SSC4D: variants seen among roughly 807,000 people sequenced by gnomAD.
SSC4D encodes the protein scavenger receptor cysteine-rich domain-containing group B protein.
Under a neutral mutation model 63.4 loss-of-function variants are expected in SSC4D, and 57 were observed. That is an observed-to-expected ratio of 0.90 (90% CI 0.73 to 1.12). SSC4D has a LOEUF of 1.12. Among genes scored for constraint, SSC4D ranks in the 50% most tolerant of loss-of-function variants. The pLI is 0.00. For missense variants in SSC4D, 791 were observed against 806.4 expected (o/e 0.98, Z 0.23); for synonymous variants, 352 against 345.4 (o/e 1.02, Z -0.21).
intron 9 of SSC4D, among the ~76,000 whole-genome samples, chr7:76,392,569 T>A (rs370248315): frequency 3.6e-4 from 53 of 147,868 alleles, no homozygotes; most frequent in African/African-American, 1.2e-3. Context: ...GGTGAGAGGA[T>A]CGCTTGAAGC....
chr7:76,397,305 T>C lies in SSC4D; in HGVS notation c.868+213A>G, dbSNP rs114209566. 8.1e-3 allele frequency among the ~76,000 whole-genome samples: 1,231 copies of C among 152,224 alleles called. 18 individuals are homozygous for C. Among genetic ancestry groups the C allele is most frequent in the African/African-American group, 0.028 (1,154 of 41,522 alleles). On this transcript the variant is annotated intron_variant, in intron 6 of 10. Transcript: ENST00000275560. ...GCAATATTGTTTCATAGCCATGGAG[T>C]GTACCACAAGGAGTTCTGGGATATT...
In SSC4D at chr7:76,395,288, G is replaced by C; in HGVS notation, c.911C>G (p.Thr304Arg). The change falls in exon 7 of 11, where the codon ACA (threonine) becomes AGA (arginine). Residue 304 changes from threonine to arginine, a missense_variant. By Grantham distance (71) the Thr-to-Arg change is moderately conservative (BLOSUM62 -1). Transcript: ENST00000275560. ...PTLTALPSSATREDWAWQTDP... is the reference protein window; with the variant it reads ...PTLTALPSSARREDWAWQTDP... ...TGTCTGCCAAGCCCAGTCCTCTCTT[G>C]TGGCTGAGGATGGCAGTGCTGTGAG... 1 of 1,613,950 alleles carries C rather than the reference G, an allele frequency of 6.2e-7. No individual in the cohort carries two copies. Among genetic ancestry groups the C allele is most frequent in the Non-Finnish European group, 8.5e-7 (1 of 1,180,036 alleles).
intron 7 of SSC4D, among the ~76,000 whole-genome samples, chr7:76,394,748 A>AAT (rs35943058): frequency 0.036 from 4,708 of 131,234 alleles, 100 homozygotes; most frequent in Middle Eastern, 0.15. Context: ...ATGTATGTAT[A>AAT]ATATATATAT....
At chr7:76,392,263 G>GT (rs1804509386) in intron 9 of SSC4D, among the ~76,000 whole-genome samples, 1 of 152,076 alleles carries the variant, frequency 6.6e-6, no homozygotes, top group Admixed American at 6.6e-5. Flanking sequence ...AGAGGTCAAA[G>GT]TAAGGCCGGG....
chr7:76,393,890 G>A lies in SSC4D; in HGVS notation c.961C>T (p.Pro321Ser). The A allele has an allele frequency of 1.9e-6, 3 of 1,604,996 alleles. No individual in the cohort carries two copies. The highest frequency in any genetic ancestry group is 2.6e-6 in the Non-Finnish European group (3 of 1,175,394). ...AGTGCTGTCTCCCGGGAAGGCTGGG[G>A]GCCAACTCCTGTAGCTGTGGAGACA... ...QTDPSATGVG[P>S]QPSRETALLT... The change falls in exon 8 of 11, where the codon CCC becomes TCC. Residue 321 changes from proline (P) to serine (S), a missense_variant. By Grantham distance (74) the Pro-to-Ser change is moderately conservative (BLOSUM62 -1). Transcript: ENST00000275560.
chr7:76,402,565 C>T (rs969251950), intron 2 of SSC4D, among the ~76,000 whole-genome samples: 1 of 151,950 alleles, frequency 6.6e-6, no homozygotes, highest in African/African-American at 2.4e-5. Flanking sequence ...GTGATCCTCC[C>T]GTCTCAGCCT....
Position 76,397,581 on chromosome 7 carries a change from G to T in SSC4D, c.805C>A (p.Gln269Lys). Reference sequence around the variant, plus strand: ...TTGTGCACACCCCAGCCCAGGCTCTGGCAGGCTGCCAGGCGGGGCTCGCCG... The same window carrying T: ...TTGTGCACACCCCAGCCCAGGCTCTTGCAGGCTGCCAGGCGGGGCTCGCCG... ...EGGEPRLAAC[Q>K]SLGWGVHNCG... The change falls in exon 6 of 11, where the codon CAG becomes AAG. Residue 269 changes from glutamine to lysine, a missense_variant. Coordinates refer to ENST00000275560, the MANE Select transcript of SSC4D (RefSeq NM_080744.2). 6.2e-7 allele frequency: 1 copy of T among 1,609,944 alleles called. No homozygotes were observed. The highest frequency in any genetic ancestry group is 8.5e-7 in the Non-Finnish European group (1 of 1,178,374).
intron 1 of SSC4D, among the ~76,000 whole-genome samples, chr7:76,405,465 A>G (rs906002036): frequency 4.8e-5 from 7 of 145,008 alleles, no homozygotes; most frequent in Non-Finnish European, 9.0e-5. Context: ...TACAGGCGTG[A>G]GCCACCGTGC....
In SSC4D at chr7:76,400,356, G is replaced by A. The variant is rs79960636; in HGVS notation, c.405C>T (p.Ser135=). Reference sequence around the variant, plus strand: ...CGCCCCAGCCGCGGCTGCCGCACTCGCTCAGCGCAGCTTCCTGCCCGCGGC... The same window carrying A: ...CGCCCCAGCCGCGGCTGCCGCACTCACTCAGCGCAGCTTCCTGCCCGCGGC... ...VECRGQEAAL[S]ECGSRGWGVH... Residue 135 remains serine, a synonymous_variant, in exon 4 of 11, where the codon AGC becomes AGT. Coordinates refer to ENST00000275560, the MANE Select transcript of SSC4D (RefSeq NM_080744.2). 0.025 allele frequency: 38,991 copies of A among 1,558,664 alleles called. 1,156 individuals carry two copies. The highest frequency in any genetic ancestry group is 0.13 in the East Asian group (5,615 of 42,138).
chr7:76,403,084 C>T (rs1464615354), intron 2 of SSC4D, among the ~76,000 whole-genome samples: 2 of 152,124 alleles, frequency 1.3e-5, no homozygotes, highest in African/African-American at 2.4e-5. Context: ...CTCAGGGCCA[C>T]GTAGCAAATC....
Position 76,397,504 on chromosome 7 carries a change from C to G in SSC4D, c.868+14G>C. On this transcript the variant is annotated intron_variant, in intron 6 of 10. Coordinates refer to ENST00000275560, the MANE Select transcript of SSC4D (RefSeq NM_080744.2). ...ACCTGCCCCGGCCCCGCCCATCGCCCCTAGAGCCCGCACCTGCGCAGAGCG... is the reference window on the plus strand; with the variant it reads ...ACCTGCCCCGGCCCCGCCCATCGCCGCTAGAGCCCGCACCTGCGCAGAGCG... The G allele has an allele frequency of 6.6e-7, 1 of 1,504,054 alleles. No individual in the cohort carries two copies. The highest frequency in any genetic ancestry group is 8.9e-7 in the Non-Finnish European group (1 of 1,127,826). 93.2% of individuals were successfully genotyped at this position (1,504,054 alleles called of 1,614,324 possible).
intron 6 of SSC4D, among the ~76,000 whole-genome samples, chr7:76,396,421 A>G (rs1156371469): frequency 1.3e-5 from 2 of 152,232 alleles, no homozygotes; most frequent in Non-Finnish European, 2.9e-5. Flanking sequence ...TTGAAAGTAA[A>G]TAGAATTACG....
At chr7:76,393,311 C>T in intron 9 of SSC4D, 94 bp downstream of exon 9, 4 of 1,234,372 alleles carry the variant, frequency 3.2e-6, no homozygotes, top group Non-Finnish European at 3.1e-6. Context: ...GGCGGCAGTG[C>T]CGCAAGAGAG....
At chr7:76,394,275 T>C (rs906805597) in intron 7 of SSC4D, among the ~76,000 whole-genome samples, 1 of 152,140 alleles carries the variant, frequency 6.6e-6, no homozygotes, top group African/African-American at 2.4e-5. Flanking sequence ...GACAGGGTCT[T>C]GCTCTGTCGC....
intron 9 of SSC4D, 84 bp downstream of exon 9, chr7:76,393,321 G>A (rs1804539590): frequency 2.4e-6 from 3 of 1,259,794 alleles, no homozygotes; most frequent in East Asian, 3.2e-5. Flanking sequence ...CCGCAAGAGA[G>A]GCCTCGCGCG....
chr7:76,398,916 A>G lies in SSC4D; in HGVS notation c.476-119T>C. On this transcript the variant is annotated intron_variant, in intron 4 of 10. Coordinates refer to ENST00000275560, the MANE Select transcript of SSC4D (RefSeq NM_080744.2). The stretch of plus-strand genomic sequence containing the variant: ...GCTTGCCGCCAGAGCCTCTGGCCAC[A>G]CAAAGAGTCACAGCCAGGAACACTG... The G allele has an allele frequency of 3.1e-6, 3 of 954,998 alleles. No homozygotes were observed. The Admixed American group carries it at 6.9e-5, about 22-fold the overall frequency. The allele number at this position is 954,998 out of a possible 1,614,324, so 59.2% of individuals were successfully genotyped here. A position where few individuals can be genotyped will look rare whatever the true frequency, so the allele number is the denominator to read the frequency against.
intron 1 of SSC4D, among the ~76,000 whole-genome samples, chr7:76,408,314 A>T (rs1237532835): frequency 1.3e-5 from 2 of 152,098 alleles, no homozygotes; most frequent in Non-Finnish European, 2.9e-5. Flanking sequence ...GACAGCCCCC[A>T]GTGGAATAAT....
chr7:76,407,277 C>A lies in SSC4D; in HGVS notation c.-67+2137G>T, dbSNP rs1031919554. Among the ~76,000 whole-genome samples, 7 of 152,076 alleles carry A rather than the reference C, an allele frequency of 4.6e-5. No individual in the cohort carries two copies. The South Asian group carries it at 1.4e-3, about 31-fold the overall frequency. Reference sequence around the variant, plus strand: ...GGCTTGGCCCTGATTTAAATTAACTCTAGGCCAAGTGTGGCAGCTTACTCC... The same window carrying A: ...GGCTTGGCCCTGATTTAAATTAACTATAGGCCAAGTGTGGCAGCTTACTCC... On this transcript the variant is annotated intron_variant, in intron 1 of 10. Coordinates refer to ENST00000275560, the MANE Select transcript of SSC4D (RefSeq NM_080744.2).
Position 76,402,947 on chromosome 7 carries a change from G to A in SSC4D, c.133+1360C>T, listed in dbSNP as rs148121534. Among the ~76,000 whole-genome samples the A allele has an allele frequency of 3.4e-3, 511 of 152,342 alleles. 3 individuals carry two copies. Among genetic ancestry groups the A allele is most frequent in the African/African-American group, 9.5e-3 (396 of 41,576 alleles). ...CTCCCAGAGTGCTGGGATTACAGGCGTGAGCCACTGCACCCGGCCTTCATT... is the reference window on the plus strand; with the variant it reads ...CTCCCAGAGTGCTGGGATTACAGGCATGAGCCACTGCACCCGGCCTTCATT... On this transcript the variant is annotated intron_variant, in intron 2 of 10. Transcript: ENST00000275560.
Sources: gnomAD v4.1 joint callset for allele counts (sites outside exome capture counted in the v4.1 genomes callset) on GRCh38, gnomAD v4.1.1 for gene constraint, MANE v1.5 for transcripts, NCBI Gene and HGNC (gene_info 2026-07-23, HGNC 2026-07-21) for gene names.